RANBP17: variants seen among roughly 807,000 people sequenced by gnomAD.
RANBP17 encodes RAN binding protein 17.
Under a neutral mutation model 141.2 loss-of-function variants are expected in RANBP17, and 158 were observed. The observed-to-expected ratio is 1.12, with a 90% CI of 0.98 to 1.28. RANBP17 has a LOEUF of 1.28. Ranked by LOEUF, RANBP17 falls within the 50% of genes most tolerant of loss-of-function variation. RANBP17 has a pLI of 0.00. For missense variants in RANBP17, 1,438 were observed against 1,290.7 expected (o/e 1.11, Z -1.75); for synonymous variants, 430 against 450.0 (o/e 0.96, Z 0.56).
intron 14 of RANBP17, among the ~76,000 whole-genome samples, chr5:171,088,741 C>T (rs1286689415): frequency 2.0e-5 from 3 of 152,116 alleles, no homozygotes; most frequent in Non-Finnish European, 4.4e-5. Flanking sequence ...ACCCTTTCTT[C>T]CAGTTGATCG....
rs929685742 is a variant in RANBP17 at position 171,199,864 on chromosome 5, C to G, written c.2142+91C>G. On this transcript the variant is annotated intron_variant, in intron 19 of 27. Transcript: ENST00000523189. ...AGGGCTTTGCATATCTGTGTGTACT[C>G]TTTGCCTCCTCAGACCTGCTTTCCC... 7 of 650,960 alleles carry G rather than the reference C, an allele frequency of 1.1e-5. No homozygotes were observed. The African/African-American group carries it at 1.3e-4, about 12-fold the overall frequency. The allele number at this position is 650,960 out of a possible 1,614,324, so 40.3% of individuals were successfully genotyped here.
intron 9 of RANBP17, 94 bp downstream of exon 9, chr5:170,916,678 G>T: frequency 1.2e-6 from 1 of 812,068 alleles, no homozygotes; most frequent in Admixed American, 3.0e-5. Context: ...TTATGATTCT[G>T]GAAGAAAACA....
intron 14 of RANBP17, among the ~76,000 whole-genome samples, chr5:171,063,699 G>T (rs1012381289): frequency 3.3e-5 from 5 of 152,204 alleles, no homozygotes; most frequent in Non-Finnish European, 5.9e-5. Flanking sequence ...AAAGCTCTCA[G>T]ACAGGGACAT....
chr5:171,013,123 A>G (rs1581395955), intron 14 of RANBP17, among the ~76,000 whole-genome samples: 1 of 152,336 alleles, frequency 6.6e-6, no homozygotes, highest in East Asian at 1.9e-4. Flanking sequence ...CTGCAATAAT[A>G]CTGATGCACA....
At chr5:170,955,616 TGTATATATATATATATATATATATG>T (rs1561927867) in intron 13 of RANBP17, among the ~76,000 whole-genome samples, 455 of 32,316 alleles carry the variant, frequency 0.014, 58 homozygotes, top group African/African-American at 0.045. Context: ...ATATGCTCAG[TGTATATATATATATATATATATATG>T]CTCAGTGTAT....
intron 14 of RANBP17, among the ~76,000 whole-genome samples, chr5:171,108,526 C>A (rs2048617915): frequency 6.6e-6 from 1 of 152,114 alleles, no homozygotes; most frequent in African/African-American, 2.4e-5. Context: ...CGTCCTCCTA[C>A]CTTACCCTCC....
Position 170,955,491 on chromosome 5 carries a change from G to T in RANBP17, c.1574+1789G>T, listed in dbSNP as rs1350028150. Among the ~76,000 whole-genome samples the T allele has an allele frequency of 3.0e-3, 191 of 63,550 alleles. 3 individuals are homozygous for T. The highest frequency in any genetic ancestry group is 4.5e-3 in the Non-Finnish European group (133 of 29,492). 41.7% of individuals were successfully genotyped at this position (63,550 alleles called of 152,430 possible). On this transcript the variant is annotated intron_variant, in intron 13 of 27. Coordinates refer to ENST00000523189, the MANE Select transcript of RANBP17 (RefSeq NM_022897.5). ...CTATATATATATATATATATGCTCA[G>T]TGTGTATATATATATATGTATATAT...
Position 171,199,745 on chromosome 5 carries a change from A to G in RANBP17, c.2114A>G (p.Asn705Ser), listed in dbSNP as rs1762194589. Reference sequence around the variant, plus strand: ...TTTGAAACAGTATTACAAATATTCAACAACAACTTTAAACAAGAAGATGTA... The same window carrying G: ...TTTGAAACAGTATTACAAATATTCAGCAACAACTTTAAACAAGAAGATGTA... ...VAFETVLQIF[N>S]NNFKQEDVKR... The change falls in exon 19 of 28, where the codon AAC (asparagine) becomes AGC (serine). Residue 705 changes from asparagine to serine, a missense_variant. Asn to Ser is a conservative substitution (Grantham distance 46). Coordinates refer to ENST00000523189, the MANE Select transcript of RANBP17 (RefSeq NM_022897.5). 6.2e-7 allele frequency: 1 copy of G among 1,607,762 alleles called. No individual in the cohort carries two copies. The highest frequency in any genetic ancestry group is 1.3e-5 in the African/African-American group (1 of 74,818).
At chr5:171,098,421 C>A (rs1786861267) in intron 14 of RANBP17, among the ~76,000 whole-genome samples, 3 of 152,058 alleles carry the variant, frequency 2.0e-5, no homozygotes. Context: ...ATTTGTTGGC[C>A]ACATAAATTT....
At chr5:171,218,589 C>T (rs2127978231) in intron 21 of RANBP17, among the ~76,000 whole-genome samples, 1 of 152,078 alleles carries the variant, frequency 6.6e-6, no homozygotes, top group Middle Eastern at 3.4e-3. Flanking sequence ...TTGGGTGCTC[C>T]TGTATTGGGT....
At chr5:171,167,957 G>A (rs958025063) in intron 14 of RANBP17, among the ~76,000 whole-genome samples, 3 of 152,118 alleles carry the variant, frequency 2.0e-5, no homozygotes, top group African/African-American at 4.8e-5. Context: ...GGGAAAAGTC[G>A]TTTCTCTCTC....
intron 14 of RANBP17, among the ~76,000 whole-genome samples, chr5:170,997,161 G>A (rs879940843): frequency 4.6e-5 from 7 of 152,122 alleles, no homozygotes; most frequent in Non-Finnish European, 1.0e-4. Context: ...GCCTTGTGAA[G>A]AACTTGCATT....
intron 22 of RANBP17, among the ~76,000 whole-genome samples, chr5:171,228,710 A>G (rs1764024361): frequency 6.6e-6 from 1 of 152,172 alleles, no homozygotes; most frequent in African/African-American, 2.4e-5. Flanking sequence ...AGCCACCTCA[A>G]CCTTTGGCCA....
Position 170,909,704 on chromosome 5 carries a change from C to T in RANBP17, c.533C>T (p.Thr178Ile), listed in dbSNP as rs765349744. The T allele has an allele frequency of 1.0e-5, 16 of 1,596,900 alleles. No homozygotes were observed. The South Asian group carries it at 1.4e-4, about 14-fold the overall frequency. ...RPSAKHRKIA[T>I]SFRDTSLKDV... The stretch of plus-strand genomic sequence containing the variant: ...TCAGCAAAACACAGGAAAATAGCTA[C>T]CTCATTTCGTGATACTTCTCTCAAA... The change falls in exon 6 of 28, where the codon ACC (threonine) becomes ATC (isoleucine). Residue 178 changes from threonine to isoleucine, a missense_variant. Thr to Ile is a moderately conservative substitution (Grantham distance 89). Coordinates refer to ENST00000523189, the MANE Select transcript of RANBP17 (RefSeq NM_022897.5).
At chr5:170,982,348 T>G (rs1777829855) in intron 14 of RANBP17, among the ~76,000 whole-genome samples, 1 of 152,238 alleles carries the variant, frequency 6.6e-6, no homozygotes, top group Non-Finnish European at 1.5e-5. Flanking sequence ...TAACTCATTC[T>G]GATAATACAA....
chr5:170,982,826 T>G (rs1424626102), intron 14 of RANBP17, among the ~76,000 whole-genome samples: 1 of 152,142 alleles, frequency 6.6e-6, no homozygotes, highest in African/African-American at 2.4e-5. Context: ...GAGGAGATCC[T>G]TAAAGCTTCC....
chr5:171,051,356 A>G (rs569598578), intron 14 of RANBP17, among the ~76,000 whole-genome samples: 1 of 152,286 alleles, frequency 6.6e-6, no homozygotes, highest in Admixed American at 6.5e-5. Flanking sequence ...CACTCCAGAG[A>G]AATACTTTGT....
In RANBP17 at chr5:171,139,002, A is replaced by G. The variant is rs1390981136; in HGVS notation, c.1711-31128A>G. 3.3e-5 allele frequency among the ~76,000 whole-genome samples: 5 copies of G among 152,154 alleles called. No individual in the cohort carries two copies. The South Asian group carries it at 1.0e-3, about 32-fold the overall frequency. On this transcript the variant is annotated intron_variant, in intron 14 of 27. Coordinates refer to ENST00000523189, the MANE Select transcript of RANBP17 (RefSeq NM_022897.5). ...TGAAACAGGAGAATCACTCGAGCCCAAGAGTTCACAGCTACGATGAGCTGT... is the reference window on the plus strand; with the variant it reads ...TGAAACAGGAGAATCACTCGAGCCCGAGAGTTCACAGCTACGATGAGCTGT...
At chr5:170,997,356 G>T (rs917582797) in intron 14 of RANBP17, among the ~76,000 whole-genome samples, 41 of 152,248 alleles carry the variant, frequency 2.7e-4, no homozygotes, top group Non-Finnish European at 5.1e-4. Context: ...CCAGCGTCCT[G>T]TATCCCTCAG....
Sources: gnomAD v4.1 joint callset for allele counts (sites outside exome capture counted in the v4.1 genomes callset) on GRCh38, gnomAD v4.1.1 for gene constraint, MANE v1.5 for transcripts, NCBI Gene and HGNC (gene_info 2026-07-23, HGNC 2026-07-21) for gene names.